The following EPHX2 variants were observed in gnomAD, a reference collection of about 807,000 sequenced individuals.
EPHX2 encodes epoxide hydrolase 2.
Under a neutral mutation model 78.7 loss-of-function variants are expected in EPHX2, and 74 were observed. The ratio of observed to expected loss-of-function variants is 0.94; its 90% CI spans 0.78 to 1.14. The LOEUF (loss-of-function observed/expected upper bound fraction) is 1.14. Ranked by LOEUF, EPHX2 falls within the 50% of genes most tolerant of loss-of-function variation. EPHX2 has a pLI of 0.00. For synonymous variants in EPHX2, 251 were observed against 255.2 expected, an observed-to-expected ratio of 0.98 and a Z score of 0.16; for missense variants, 715 against 702.5, an observed-to-expected ratio of 1.02 and a Z score of -0.20.
chr8:27,491,155 G>A lies in EPHX2; in HGVS notation c.-54G>A, dbSNP rs2132698765. The A allele has an allele frequency of 6.6e-7, 1 of 1,510,532 alleles. No homozygotes were observed. The highest frequency in any genetic ancestry group is 8.8e-7 in the Non-Finnish European group (1 of 1,130,214). The allele number at this position is 1,510,532 out of a possible 1,614,324, so 93.6% of individuals were successfully genotyped here. ...GGGCGGGTCATGCGCCCTGGCCTTC[G>A]CGCATCTCCCAGGTTAGCTGCGTGT... On this transcript the variant is annotated 5_prime_UTR_variant, in exon 1 of 19. Transcript: ENST00000521400.
At chr8:27,499,340 A>T (rs958071138) in intron 1 of EPHX2, among the ~76,000 whole-genome samples, 1 of 152,202 alleles carries the variant, frequency 6.6e-6, no homozygotes, top group Non-Finnish European at 1.5e-5. Flanking sequence ...AAAGCTGTTT[A>T]AAAAACCAAC....
At chr8:27,507,779 C>G (rs913713906) in intron 5 of EPHX2, among the ~76,000 whole-genome samples, 4 of 152,170 alleles carry the variant, frequency 2.6e-5, no homozygotes, top group African/African-American at 9.7e-5. Flanking sequence ...AGTCCAAGAT[C>G]AAGGTGCCAG....
intron 11 of EPHX2, among the ~76,000 whole-genome samples, chr8:27,525,107 T>C (rs112996334): frequency 0.37 from 37,257 of 101,438 alleles, 5,479 homozygotes; most frequent in African/African-American, 0.46. Flanking sequence ...TGTGTGTGTG[T>C]GCGCGCGCGC....
downstream of EPHX2, among the ~76,000 whole-genome samples, chr8:27,546,610 G>A (rs992125934): frequency 1.3e-5 from 2 of 152,156 alleles, no homozygotes; most frequent in African/African-American, 2.4e-5. Flanking sequence ...ACCTAAAAGC[G>A]TCCTTTACTG....
At chr8:27,507,149 C>T (rs1814042389) in intron 5 of EPHX2, among the ~76,000 whole-genome samples, 155 bp downstream of exon 5, 1 of 152,228 alleles carries the variant, frequency 6.6e-6, no homozygotes. Flanking sequence ...GTGCAGTCAG[C>T]ACGATGTCCC....
chr8:27,491,318 G>A lies in EPHX2; in HGVS notation c.101+9G>A. On this transcript the variant is annotated intron_variant, in intron 1 of 18. Coordinates refer to ENST00000521400, the MANE Select transcript of EPHX2 (RefSeq NM_001979.6). ...GCCCTGGCGCTGCCCAGGTAAGGGGGCCCAGCGCCGCCGCCGCAGTGGGTC... is the reference window on the plus strand; with the variant it reads ...GCCCTGGCGCTGCCCAGGTAAGGGGACCCAGCGCCGCCGCCGCAGTGGGTC... 2 of 1,472,964 alleles carry A rather than the reference G, an allele frequency of 1.4e-6. No homozygotes were observed. Among genetic ancestry groups the A allele is most frequent in the East Asian group, 2.7e-5 (1 of 36,700 alleles). The allele number at this position is 1,472,964 out of a possible 1,614,324, so 91.2% of individuals were successfully genotyped here. A position where few individuals can be genotyped will look rare whatever the true frequency, so the allele number is the denominator to read the frequency against.
Position 27,491,162 on chromosome 8 carries a change from T to C in EPHX2, c.-47T>C. On this transcript the variant is annotated 5_prime_UTR_variant, in exon 1 of 19. Transcript: ENST00000521400. Reference sequence around the variant, plus strand: ...TCATGCGCCCTGGCCTTCGCGCATCTCCCAGGTTAGCTGCGTGTCCGGGTG... The same window carrying C: ...TCATGCGCCCTGGCCTTCGCGCATCCCCCAGGTTAGCTGCGTGTCCGGGTG... 2.0e-6 allele frequency: 3 copies of C among 1,528,254 alleles called. No individual in the cohort carries two copies. Among genetic ancestry groups the C allele is most frequent in the South Asian group, 2.4e-5 (2 of 83,792 alleles). The allele number at this position is 1,528,254 out of a possible 1,614,324, so 94.7% of individuals were successfully genotyped here.
intron 12 of EPHX2, among the ~76,000 whole-genome samples, chr8:27,531,493 A>G (rs971162096): frequency 1.3e-5 from 2 of 152,048 alleles, no homozygotes; most frequent in Non-Finnish European, 2.9e-5. Context: ...CAACCACCCC[A>G]CTGTTTCTCT....
chr8:27,524,896 T>C (rs1418392451), intron 11 of EPHX2, among the ~76,000 whole-genome samples: 1 of 152,306 alleles, frequency 6.6e-6, no homozygotes, highest in South Asian at 2.1e-4. Context: ...ATAAAAACGA[T>C]ATTTTATTCA....
chr8:27,532,627 T>C (rs1815084927), intron 12 of EPHX2, among the ~76,000 whole-genome samples: 1 of 152,142 alleles, frequency 6.6e-6, no homozygotes, highest in Non-Finnish European at 1.5e-5. Flanking sequence ...TGCTGGCAAT[T>C]CCTGGTGTTC....
chr8:27,516,410 G>T lies in EPHX2; in HGVS notation c.910+12G>T, dbSNP rs200823982. The T allele has an allele frequency of 2.7e-5, 44 of 1,613,292 alleles. No homozygotes were observed. Among genetic ancestry groups the T allele is most frequent in the Non-Finnish European group, 3.6e-5 (43 of 1,179,362 alleles). ...ATCTGCTCCTCCCGGTGGGTGTGCTGTCTTGCAGCTGTCTTATGCTGGTCT... is the reference window on the plus strand; with the variant it reads ...ATCTGCTCCTCCCGGTGGGTGTGCTTTCTTGCAGCTGTCTTATGCTGGTCT... On this transcript the variant is annotated intron_variant, in intron 8 of 18. Transcript: ENST00000521400.
chr8:27,544,271 C>T (rs374364937), intron 18 of EPHX2, 27 bp downstream of exon 18: 13 of 1,613,094 alleles, frequency 8.1e-6, no homozygotes, highest in African/African-American at 6.7e-5. Context: ...CTCCTGGGGT[C>T]GGGGAGAGCA....
At chr8:27,538,890 AGG>A in intron 14 of EPHX2, 198 bp downstream of exon 14, 1 of 603,320 alleles carries the variant, frequency 1.7e-6, no homozygotes, top group Middle Eastern at 3.8e-4. Flanking sequence ...CCTACCCTCT[AGG>A]GAGCTGTGGC....
intron 11 of EPHX2, among the ~76,000 whole-genome samples, chr8:27,524,824 C>T (rs1814767849): frequency 6.6e-6 from 1 of 152,180 alleles, no homozygotes; most frequent in Admixed American, 6.5e-5. Flanking sequence ...TCATAGTCAT[C>T]TCATAAGGTC....
chr8:27,511,906 T>A lies in EPHX2; in HGVS notation c.731T>A (p.Val244Glu). ...GACATGAGCCATGGGTACGTGACAG[T>A]AAAGGTGAGTCAGTTTTGTCTCTCA... ...PSDMSHGYVT[V>E]KPRVRLHFVE... The change falls in exon 6 of 19, where the codon GTA (valine) becomes GAA (glutamate). Residue 244 changes from valine (V) to glutamate (E), a missense_variant. Physicochemically the swap from Val to Glu is moderately radical, Grantham distance 121. Coordinates refer to ENST00000521400, the MANE Select transcript of EPHX2 (RefSeq NM_001979.6). 6.2e-7 allele frequency: 1 copy of A among 1,613,874 alleles called. No homozygotes were observed. Among genetic ancestry groups the A allele is most frequent in the Non-Finnish European group, 8.5e-7 (1 of 1,179,948 alleles).
intron 1 of EPHX2, among the ~76,000 whole-genome samples, chr8:27,493,382 AGGAGGTCTAGACCTTAGC>A (rs1269971736): frequency 6.6e-6 from 1 of 152,222 alleles, no homozygotes; most frequent in African/African-American, 2.4e-5. Flanking sequence ...CTCAGCAGTG[AGGAGGTCTAGACCTTAGC>A]GGTTTTGGAG....
At position 27,516,316 on chromosome 8, in the gene EPHX2, C is replaced by G. The variant is rs1814449711; in HGVS notation, c.832-4C>G. On this transcript the variant is annotated splice_polypyrimidine_tract_variant and splice_region_variant and intron_variant, in intron 7 of 18. Coordinates refer to ENST00000521400, the MANE Select transcript of EPHX2 (RefSeq NM_001979.6). The stretch of plus-strand genomic sequence containing the variant: ...ATGCTGGAGTGTGCCTGTTTGTTTT[C>G]TAGATCCCTGCTCTGGCCCAGGCAG... 1 of 1,613,490 alleles carries G rather than the reference C, an allele frequency of 6.2e-7. No individual in the cohort carries two copies. Among genetic ancestry groups the G allele is most frequent in the African/African-American group, 1.3e-5 (1 of 74,868 alleles).
chr8:27,505,488 C>T (rs999523103), intron 4 of EPHX2, among the ~76,000 whole-genome samples: 1 of 152,160 alleles, frequency 6.6e-6, no homozygotes, highest in African/African-American at 2.4e-5. Context: ...AGGTTCATCC[C>T]CACAAAGGGT....
chr8:27,501,156 T>C, intron 2 of EPHX2, 146 bp downstream of exon 2: 1 of 625,348 alleles, frequency 1.6e-6, no homozygotes, highest in Non-Finnish European at 2.7e-6. Context: ...AATGGGAGTA[T>C]TGCAGTCACC....
Sources: allele counts gnomAD v4.1 joint callset (sites outside exome capture counted in the v4.1 genomes callset), GRCh38; gene constraint gnomAD v4.1.1; transcripts MANE v1.5; gene names NCBI Gene and HGNC (gene_info 2026-07-23, HGNC 2026-07-21).